Variants in MYL4 observed in about 807,000 individuals in gnomAD.
The protein encoded by MYL4 is atrial myosin light chain 1.
Under a neutral mutation model 21.6 loss-of-function variants are expected in MYL4, and 16 were observed. The observed-to-expected ratio is 0.74, with a 90% CI of 0.50 to 1.12. The LOEUF (loss-of-function observed/expected upper bound fraction) is 1.12, where lower values mean the gene tolerates loss of function less well. Among genes scored for constraint, MYL4 ranks in the 50% most tolerant of loss-of-function variants. The pLI, the probability that MYL4 is intolerant of heterozygous loss-of-function variation, is 0.00. For missense variants in MYL4, 249 were observed against 252.9 expected, an observed-to-expected ratio of 0.98 and a Z score of 0.11; for synonymous variants, 82 against 95.7, an observed-to-expected ratio of 0.86 and a Z score of 0.83.
chr17:47,221,996 T>G, intron 4 of MYL4, 141 bp downstream of exon 4: 1 of 987,852 alleles, frequency 1.0e-6, no homozygotes, highest in South Asian at 1.7e-5. Context: ...CCAGGCCCTG[T>G]CTCCCTGGGC....
the MYL4 span, among the ~76,000 whole-genome samples, chr17:47,191,198 C>T: frequency 6.6e-6 from 1 of 152,218 alleles, no homozygotes; most frequent in Admixed American, 6.5e-5. Context: ...GAATAGTCTA[C>T]TTCTTAATGG....
At chr17:47,208,728 T>C (rs1357819600), upstream of MYL4, among the ~76,000 whole-genome samples, 1 of 152,136 alleles carries the variant, frequency 6.6e-6, no homozygotes. Context: ...ACTTGTTGAA[T>C]GAATGACTGA....
intron 2 of MYL4, among the ~76,000 whole-genome samples, chr17:47,215,257 G>A (rs574813145): frequency 1.5e-4 from 23 of 152,254 alleles, no homozygotes; most frequent in African/African-American, 5.3e-4. Context: ...GAAACACAAT[G>A]ACACTAGTGA....
chr17:47,202,669 C>T (rs1458001012), intron 1 of MYL4, among the ~76,000 whole-genome samples: 3 of 151,614 alleles, frequency 2.0e-5, no homozygotes, highest in Admixed American at 2.0e-4. Flanking sequence ...ACACGAAATT[C>T]AAAGAGGTAT....
At chr17:47,223,127 C>T in intron 6 of MYL4, 70 bp downstream of exon 6, 1 of 1,533,808 alleles carries the variant, frequency 6.5e-7, no homozygotes, top group Non-Finnish European at 9.0e-7. Context: ...ACCATGTGCC[C>T]TAGAAGGCAT....
At chr17:47,196,045 A>T (rs1241430972), upstream of MYL4, among the ~76,000 whole-genome samples, 1 of 152,176 alleles carries the variant, frequency 6.6e-6, no homozygotes, top group African/African-American at 2.4e-5. Flanking sequence ...TTGTTGATTG[A>T]TGTTATAGAC....
intron 2 of MYL4, among the ~76,000 whole-genome samples, chr17:47,214,259 A>G (rs1179389068): frequency 6.6e-6 from 1 of 152,160 alleles, no homozygotes; most frequent in Non-Finnish European, 1.5e-5. Flanking sequence ...CCAAAGATCT[A>G]TCTAAGATAT....
At chr17:47,217,831 C>T (rs559359359) in intron 2 of MYL4, among the ~76,000 whole-genome samples, 3 of 152,026 alleles carry the variant, frequency 2.0e-5, no homozygotes, top group South Asian at 2.1e-4. Flanking sequence ...GTTGGGAGTT[C>T]GAGACCAGCC....
At chr17:47,207,985 T>C (rs1764810124), upstream of MYL4, among the ~76,000 whole-genome samples, 1 of 152,234 alleles carries the variant, frequency 6.6e-6, no homozygotes, top group Admixed American at 6.5e-5. Context: ...ATCATATACA[T>C]TATTCAAGCA....
the MYL4 span, among the ~76,000 whole-genome samples, chr17:47,194,667 C>G: frequency 6.6e-6 from 1 of 152,134 alleles, no homozygotes; most frequent in African/African-American, 2.4e-5. Flanking sequence ...CCCCCACCCC[C>G]CAAATTCAGG....
At chr17:47,201,686 C>T (rs1224832612) in intron 1 of MYL4, among the ~76,000 whole-genome samples, 19 of 151,998 alleles carry the variant, frequency 1.3e-4, no homozygotes, top group Admixed American at 1.2e-3. Flanking sequence ...AAACTCCTGA[C>T]CTCAGGTGAT....
upstream of MYL4, chr17:47,209,101 C>T (rs750184998): frequency 6.4e-6 from 3 of 468,242 alleles, no homozygotes; most frequent in Non-Finnish European, 1.2e-5. Flanking sequence ...GGTCTGTTTC[C>T]CTGGTCCTTC....
the MYL4 span, among the ~76,000 whole-genome samples, chr17:47,190,415 T>A: frequency 1.3e-5 from 2 of 152,168 alleles, no homozygotes; most frequent in Non-Finnish European, 2.9e-5. Context: ...CAGGGGACTG[T>A]TTAAATTTTG....
At chr17:47,217,877 T>C (rs1319358997) in intron 2 of MYL4, among the ~76,000 whole-genome samples, 5 of 151,950 alleles carry the variant, frequency 3.3e-5, no homozygotes, top group Non-Finnish European at 7.4e-5. Context: ...CTACTAAAAA[T>C]ACATAATTAG....
At position 47,221,928 on chromosome 17, in the gene MYL4, C is replaced by T. The variant is rs114403869; in HGVS notation, c.487+73C>T. 2.9e-3 allele frequency: 4,475 copies of T among 1,521,418 alleles called. 118 individuals carry two copies. In the African/African-American group the frequency reaches 0.055, roughly 19 times the overall value. The allele number at this position is 1,521,418 out of a possible 1,614,324, so 94.2% of individuals were successfully genotyped here. A position where few individuals can be genotyped will look rare whatever the true frequency, so the allele number is the denominator to read the frequency against. ...GTGGGAGGTGCCAAGGTGACATATG[C>T]TGGTTGGGTGGGGGGTGGTATACAA... On this transcript the variant is annotated intron_variant, in intron 4 of 6. Coordinates refer to ENST00000393450, the MANE Select transcript of MYL4 (RefSeq NM_002476.2).
the MYL4 span, among the ~76,000 whole-genome samples, chr17:47,190,515 T>C: frequency 7.9e-5 from 12 of 152,328 alleles, no homozygotes; most frequent in African/African-American, 2.9e-4. Flanking sequence ...ATATATTCCA[T>C]TGCTTGGAAA....
chr17:47,208,576 CACACACACACACAG>C (rs1241282758), upstream of MYL4, among the ~76,000 whole-genome samples: 6 of 152,014 alleles, frequency 3.9e-5, no homozygotes, highest in East Asian at 1.2e-3. Context: ...CACACACACA[CACACACACACACAG>C]AGCACAGAAT....
At chr17:47,206,243 G>A (rs546447385), upstream of MYL4, among the ~76,000 whole-genome samples, 5 of 151,978 alleles carry the variant, frequency 3.3e-5, no homozygotes, top group African/African-American at 4.8e-5. Flanking sequence ...AGCCCCATTC[G>A]GCTTTCCCAG....
chr17:47,189,635 G>A, the MYL4 span, among the ~76,000 whole-genome samples: 1 of 152,240 alleles, frequency 6.6e-6, no homozygotes, highest in Non-Finnish European at 1.5e-5. Flanking sequence ...TAGCCCCTCA[G>A]CCCTTTTGGA....
Sources: allele counts gnomAD v4.1 joint callset (sites outside exome capture counted in the v4.1 genomes callset), GRCh38; gene constraint gnomAD v4.1.1; transcripts MANE v1.5; gene names NCBI Gene and HGNC (gene_info 2026-07-23, HGNC 2026-07-21).